FBXL17: variants seen among roughly 807,000 people sequenced by gnomAD.
FBXL17 encodes F-box/LRR-repeat protein 17.
A neutral mutation model predicts 66.2 loss-of-function variants in FBXL17; 22 were observed. That is an observed-to-expected ratio of 0.33 (90% CI 0.24 to 0.47). The LOEUF (loss-of-function observed/expected upper bound fraction) is 0.47. FBXL17 is among the 20% of genes least tolerant of loss of function. FBXL17 has a pLI of 1.00. For missense variants in FBXL17, 878 were observed against 948.2 expected (o/e 0.93, Z 0.97); for synonymous variants, 474 against 400.5 (o/e 1.18, Z -2.19).
At chr5:108,303,738 A>G (rs1360553015) in intron 4 of FBXL17, among the ~76,000 whole-genome samples, 2 of 151,916 alleles carry the variant, frequency 1.3e-5, no homozygotes, top group African/African-American at 4.8e-5. Context: ...TTTAATACTA[A>G]CACATTATTT....
At chr5:108,167,317 A>T (rs1290083736) in intron 6 of FBXL17, among the ~76,000 whole-genome samples, 1 of 152,194 alleles carries the variant, frequency 6.6e-6, no homozygotes, top group Non-Finnish European at 1.5e-5. Context: ...TCGATGATTG[A>T]TGGCACCACC....
chr5:107,909,940 T>C (rs1182438950), intron 7 of FBXL17, among the ~76,000 whole-genome samples: 3 of 152,194 alleles, frequency 2.0e-5, no homozygotes, highest in African/African-American at 7.2e-5. Context: ...TTATTGCTGC[T>C]GAATGTATAT....
chr5:108,228,737 T>C (rs755436306), intron 4 of FBXL17, among the ~76,000 whole-genome samples: 8 of 152,168 alleles, frequency 5.3e-5, no homozygotes, highest in Non-Finnish European at 1.2e-4. Flanking sequence ...CATTATAGTT[T>C]CTTCTCCTGG....
intron 3 of FBXL17, among the ~76,000 whole-genome samples, chr5:108,356,874 A>T (rs1166475859): frequency 1.3e-5 from 2 of 152,018 alleles, no homozygotes; most frequent in East Asian, 3.9e-4. Context: ...TAAATGTGTC[A>T]CTCTGGTGAG....
chr5:107,942,203 T>C (rs1288898001), intron 7 of FBXL17, among the ~76,000 whole-genome samples: 1 of 152,094 alleles, frequency 6.6e-6, no homozygotes, highest in Non-Finnish European at 1.5e-5. Flanking sequence ...GCACTGGTCC[T>C]TCCCCACCAC....
chr5:108,330,474 C>T (rs1561533220), intron 4 of FBXL17, among the ~76,000 whole-genome samples: 2 of 152,186 alleles, frequency 1.3e-5, no homozygotes, highest in Admixed American at 6.5e-5. Flanking sequence ...ACTTCTCAAA[C>T]TACAACCCAA....
At chr5:108,003,080 T>C (rs537385748) in intron 7 of FBXL17, among the ~76,000 whole-genome samples, 5 of 152,316 alleles carry the variant, frequency 3.3e-5, no homozygotes, top group Non-Finnish European at 5.9e-5. Flanking sequence ...GAAGTAAATG[T>C]AAAAAGTTAA....
At chr5:108,100,183 A>C (rs1040987787) in intron 6 of FBXL17, among the ~76,000 whole-genome samples, 2 of 152,332 alleles carry the variant, frequency 1.3e-5, no homozygotes, top group African/African-American at 2.4e-5. Context: ...TTTGCATAGC[A>C]TACAAATTTT....
intron 6 of FBXL17, among the ~76,000 whole-genome samples, chr5:108,099,919 C>G (rs1749536842): frequency 1.3e-5 from 2 of 152,156 alleles, no homozygotes; most frequent in Non-Finnish European, 2.9e-5. Context: ...AAGAATCCAA[C>G]CATTTTCTTG....
chr5:108,234,583 G>A (rs1755514008), intron 4 of FBXL17, among the ~76,000 whole-genome samples: 2 of 152,172 alleles, frequency 1.3e-5, no homozygotes, highest in Non-Finnish European at 2.9e-5. Flanking sequence ...CAGAGAAGTA[G>A]AGTGGCAGAT....
chr5:108,067,891 G>A (rs1748177677), intron 6 of FBXL17, among the ~76,000 whole-genome samples: 1 of 152,134 alleles, frequency 6.6e-6, no homozygotes, highest in Admixed American at 6.5e-5. Flanking sequence ...TAAGTTACAG[G>A]CTAAGCACAT....
chr5:107,868,666 C>G (rs1396908603), intron 8 of FBXL17, among the ~76,000 whole-genome samples: 1 of 152,226 alleles, frequency 6.6e-6, no homozygotes, highest in Non-Finnish European at 1.5e-5. Flanking sequence ...AACAATGACA[C>G]CACCAACAGC....
At chr5:108,118,909 A>C (rs1580466723) in intron 6 of FBXL17, among the ~76,000 whole-genome samples, 1 of 151,100 alleles carries the variant, frequency 6.6e-6, no homozygotes, top group African/African-American at 2.4e-5. Context: ...CTCCCAAAAA[A>C]CTCCTAACTC....
chr5:108,162,636 T>C (rs540837729), intron 6 of FBXL17, among the ~76,000 whole-genome samples: 2 of 152,370 alleles, frequency 1.3e-5, no homozygotes, highest in South Asian at 2.1e-4. Context: ...ATGTGAATAA[T>C]GTTTCTCAAA....
chr5:108,082,530 C>T (rs1748809676), intron 6 of FBXL17, among the ~76,000 whole-genome samples: 1 of 152,168 alleles, frequency 6.6e-6, no homozygotes, highest in Admixed American at 6.5e-5. Flanking sequence ...TGACATGCTG[C>T]CTCTATTTCC....
At chr5:108,089,840 T>C (rs1164917345) in intron 6 of FBXL17, among the ~76,000 whole-genome samples, 2 of 152,194 alleles carry the variant, frequency 1.3e-5, no homozygotes, top group Non-Finnish European at 2.9e-5. Flanking sequence ...GTTGTTGTTT[T>C]GTATTGAGAC....
chr5:108,012,790 C>T (rs1034268375), intron 7 of FBXL17, among the ~76,000 whole-genome samples: 8 of 151,882 alleles, frequency 5.3e-5, no homozygotes, highest in African/African-American at 1.5e-4. Flanking sequence ...CCAAGGCAGG[C>T]GGATCACCTG....
At chr5:108,312,121 G>T (rs1338103136) in intron 4 of FBXL17, among the ~76,000 whole-genome samples, 1 of 152,030 alleles carries the variant, frequency 6.6e-6, no homozygotes, top group African/African-American at 2.4e-5. Flanking sequence ...AAGGTGGCTA[G>T]GTCTCATAAT....
intron 4 of FBXL17, among the ~76,000 whole-genome samples, chr5:108,270,234 A>T (rs1757210743): frequency 6.6e-6 from 1 of 151,998 alleles, no homozygotes; most frequent in Admixed American, 6.6e-5. Context: ...GGAGTCTTAA[A>T]TACTGAGAAA....
Sources: gnomAD v4.1 joint callset for allele counts (sites outside exome capture counted in the v4.1 genomes callset) on GRCh38, gnomAD v4.1.1 for gene constraint, MANE v1.5 for transcripts, NCBI Gene and HGNC (gene_info 2026-07-23, HGNC 2026-07-21) for gene names.